Variants in LCLAT1 observed in about 807,000 individuals in gnomAD.
LCLAT1 encodes the protein 1-AGP acyltransferase 8.
In LCLAT1, 11 loss-of-function variants were observed where a neutral mutation model predicts 30.7. That is an observed-to-expected ratio of 0.36 (90% CI 0.23 to 0.59). The LOEUF is 0.59. Among genes scored for constraint, LCLAT1 ranks in the 20% least tolerant of loss-of-function variants. The probability of loss-of-function intolerance (pLI) is 0.77; values close to 1 mark genes in which losing one functional copy is unlikely to be tolerated. For synonymous variants in LCLAT1, 155 were observed against 151.3 expected, an observed-to-expected ratio of 1.02 and a Z score of -0.18; for missense variants, 402 against 458.6, an observed-to-expected ratio of 0.88 and a Z score of 1.13.
Position 30,640,459 on chromosome 2 carries a change from T to A in LCLAT1, c.971T>A (p.Leu324Gln), listed in dbSNP as rs1270472090. ...ACCCTGTTCAGCCCTGCAATGTGCC[T>A]ACTCATATATTTGTACAGTCTTGTT... ...YWTLFSPAMC[L>Q]LIYLYSLVKW... The change falls in exon 6 of 6, where the codon CTA (leucine) becomes CAA (glutamine). Residue 324 changes from leucine to glutamine, a missense_variant. By Grantham distance (113) the Leu-to-Gln change is moderately radical. Coordinates refer to ENST00000379509, the MANE Select transcript of LCLAT1 (RefSeq NM_001002257.3). The A allele has an allele frequency of 1.2e-6, 2 of 1,614,206 alleles. No individual in the cohort carries two copies. The highest frequency in any genetic ancestry group is 1.7e-6 in the Non-Finnish European group (2 of 1,179,990).
At chr2:30,572,559 G>T (rs1318153454) in intron 5 of LCLAT1, among the ~76,000 whole-genome samples, 1 of 152,212 alleles carries the variant, frequency 6.6e-6, no homozygotes, top group African/African-American at 2.4e-5. Context: ...CACCTGTGGA[G>T]CCTGGCTCCG....
At chr2:30,564,638 A>G (rs1047726846) in intron 4 of LCLAT1, among the ~76,000 whole-genome samples, 11 of 151,860 alleles carry the variant, frequency 7.2e-5, no homozygotes, top group Non-Finnish European at 1.5e-4. Context: ...ACAGTAGAAT[A>G]CAGATAATTT....
intron 3 of LCLAT1, among the ~76,000 whole-genome samples, chr2:30,543,561 G>GT (rs908089857): frequency 6.6e-6 from 1 of 151,700 alleles, no homozygotes. Flanking sequence ...TAAGCTTGGA[G>GT]TTTTTTTTAG....
Position 30,623,597 on chromosome 2 carries a change from C to T in LCLAT1, c.629-16520C>T, listed in dbSNP as rs552912009. Among the ~76,000 whole-genome samples, 76 of 152,004 alleles carry T rather than the reference C, an allele frequency of 5.0e-4. 1 individual carries two copies. The highest frequency in any genetic ancestry group is 7.9e-4 in the Admixed American group (12 of 15,268). On this transcript the variant is annotated intron_variant, in intron 5 of 5. Coordinates refer to ENST00000379509, the MANE Select transcript of LCLAT1 (RefSeq NM_001002257.3). Reference sequence around the variant, plus strand: ...ATGGGGGAAAAAAAAAACAACAAAGCGTCCCAGAAGTTTGGGATTATGTTA... The same window carrying T: ...ATGGGGGAAAAAAAAAACAACAAAGTGTCCCAGAAGTTTGGGATTATGTTA...
intron 1 of LCLAT1, among the ~76,000 whole-genome samples, chr2:30,488,539 A>G (rs1245252952): frequency 6.6e-6 from 1 of 152,236 alleles, no homozygotes; most frequent in African/African-American, 2.4e-5. Context: ...TATATTCAAA[A>G]CAGCTTGGTT....
intron 1 of LCLAT1, among the ~76,000 whole-genome samples, chr2:30,520,128 G>A (rs910681855): frequency 4.6e-5 from 7 of 152,124 alleles, no homozygotes; most frequent in Admixed American, 1.3e-4. Context: ...AACACTCACC[G>A]CATGGCCCAA....
At chr2:30,618,986 G>C (rs932815912) in intron 5 of LCLAT1, among the ~76,000 whole-genome samples, 2 of 152,122 alleles carry the variant, frequency 1.3e-5, no homozygotes, top group Admixed American at 1.3e-4. Context: ...ATGGTAACAA[G>C]TCTGGTAACA....
intron 1 of LCLAT1, among the ~76,000 whole-genome samples, chr2:30,486,737 A>G (rs1683576052): frequency 6.6e-6 from 1 of 152,138 alleles, no homozygotes; most frequent in African/African-American, 2.4e-5. Context: ...GTTCCTCCAC[A>G]TTCTTACCTT....
intron 4 of LCLAT1, among the ~76,000 whole-genome samples, chr2:30,566,687 G>A (rs1665497898): frequency 6.6e-6 from 1 of 152,132 alleles, no homozygotes; most frequent in Admixed American, 6.5e-5. Context: ...TGAGGATTGC[G>A]GGTTCTAACA....
At chr2:30,634,282 C>G (rs953798589) in intron 5 of LCLAT1, among the ~76,000 whole-genome samples, 1 of 152,184 alleles carries the variant, frequency 6.6e-6, no homozygotes, top group Non-Finnish European at 1.5e-5. Context: ...AACCCGTTTT[C>G]TAAAGCCCGT....
intron 5 of LCLAT1, among the ~76,000 whole-genome samples, chr2:30,611,055 G>T (rs1667712556): frequency 1.4e-5 from 2 of 144,074 alleles, no homozygotes; most frequent in Admixed American, 6.9e-5. Context: ...GTTAAATTCT[G>T]GCTTCACCAC....
chr2:30,638,970 T>C (rs7565755), intron 5 of LCLAT1, among the ~76,000 whole-genome samples: 67,321 of 151,976 alleles, frequency 0.44, 15,656 homozygotes, highest in East Asian at 0.76. Flanking sequence ...TCTTTTGCCC[T>C]TGGTCCTCTC....
chr2:30,587,215 A>G (rs1183041000), intron 5 of LCLAT1, among the ~76,000 whole-genome samples: 2 of 152,236 alleles, frequency 1.3e-5, no homozygotes, highest in Admixed American at 1.3e-4. Context: ...AAGACTTCTG[A>G]GATCTCTTTT....
intron 3 of LCLAT1, among the ~76,000 whole-genome samples, chr2:30,542,458 C>G (rs1321003387): frequency 2.6e-5 from 4 of 152,062 alleles, no homozygotes; most frequent in African/African-American, 7.2e-5. Flanking sequence ...AACTTAACAC[C>G]TTTTTTGAAA....
chr2:30,520,204 C>T (rs993739555), intron 1 of LCLAT1, among the ~76,000 whole-genome samples: 2 of 152,166 alleles, frequency 1.3e-5, no homozygotes, highest in Non-Finnish European at 2.9e-5. Context: ...GGCTTGCTGC[C>T]ATCTTGGGAG....
intron 1 of LCLAT1, among the ~76,000 whole-genome samples, chr2:30,500,188 G>A (rs1301323916): frequency 2.0e-5 from 3 of 152,126 alleles, no homozygotes; most frequent in African/African-American, 7.2e-5. Flanking sequence ...ATTATGAGGT[G>A]TTAATCATGA....
At chr2:30,494,452 A>G (rs1200034934) in intron 1 of LCLAT1, among the ~76,000 whole-genome samples, 1 of 152,142 alleles carries the variant, frequency 6.6e-6, no homozygotes, top group African/African-American at 2.4e-5. Flanking sequence ...TCGTAAGTGA[A>G]AGTGGACAAT....
chr2:30,610,691 A>C (rs368976355), intron 5 of LCLAT1, among the ~76,000 whole-genome samples: 3 of 152,162 alleles, frequency 2.0e-5, no homozygotes, highest in African/African-American at 7.2e-5. Context: ...ATAATGTTGG[A>C]GCTTAGAGTT....
At chr2:30,560,283 GGTGTGTGTGTGTGTGTGTGTGTGT>G (rs57326977) in intron 3 of LCLAT1, among the ~76,000 whole-genome samples, 331 of 144,584 alleles carry the variant, frequency 2.3e-3, no homozygotes, top group African/African-American at 8.0e-3. Flanking sequence ...AATAAAGTGT[GGTGTGTGTGTGTGTGTGTGTGTGT>G]GTGTGTGTGT....
Sources: gnomAD v4.1 joint callset for allele counts (sites outside exome capture counted in the v4.1 genomes callset) on GRCh38, gnomAD v4.1.1 for gene constraint, MANE v1.5 for transcripts, NCBI Gene and HGNC (gene_info 2026-07-23, HGNC 2026-07-21) for gene names.